Variants in GASK1B observed in about 807,000 individuals in gnomAD.
The protein encoded by GASK1B is Golgi-associated kinase 1B.
Under a neutral mutation model 42.8 loss-of-function variants are expected in GASK1B, and 34 were observed. That is an observed-to-expected ratio of 0.79 (90% CI 0.60 to 1.06). GASK1B has a LOEUF of 1.06. Among genes scored for constraint, GASK1B ranks in the 50% least tolerant of loss-of-function variants. The probability of loss-of-function intolerance (pLI) is 0.00; values close to 1 mark genes in which losing one functional copy is unlikely to be tolerated. For synonymous variants in GASK1B, 262 were observed against 259.1 expected (o/e 1.01, Z -0.11); for missense variants, 686 against 661.0 (o/e 1.04, Z -0.42).
intron 3 of GASK1B, among the ~76,000 whole-genome samples, chr4:158,139,684 A>C (rs2110950051): frequency 6.6e-6 from 1 of 152,308 alleles, no homozygotes; most frequent in Admixed American, 6.5e-5. Flanking sequence ...GTATGCATTA[A>C]ATTCATATAA....
chr4:158,138,342 A>G (rs1276560441), intron 3 of GASK1B, among the ~76,000 whole-genome samples: 1 of 152,216 alleles, frequency 6.6e-6, no homozygotes, highest in Non-Finnish European at 1.5e-5. Flanking sequence ...AAAGATTTAA[A>G]AAGAACACTC....
Position 158,172,961 on chromosome 4 carries a change from A to T in GASK1B, c.-318T>A, listed in dbSNP as rs1171883169. The stretch of plus-strand genomic sequence containing the variant: ...AAAAGGTAAGAAAGAGTTAATATAA[A>T]TGAGGAGAAAAAATAGAACAGTGAG... On this transcript the variant is annotated 5_prime_UTR_variant, in exon 1 of 5. Transcript: ENST00000585682. 1 of 152,240 alleles carries T rather than the reference A, an allele frequency of 6.6e-6. No individual in the cohort carries two copies. Among genetic ancestry groups the T allele is most frequent in the East Asian group, 1.9e-4 (1 of 5,200 alleles). The allele number at this position is 152,240 out of a possible 1,614,324, so 9.4% of individuals were successfully genotyped here.
At chr4:158,160,930 GA>G (rs1731962382) in intron 2 of GASK1B, among the ~76,000 whole-genome samples, 1 of 152,084 alleles carries the variant, frequency 6.6e-6, no homozygotes, top group African/African-American at 2.4e-5. Context: ...GTAGAGAGTA[GA>G]ATGGTGGCTA....
At chr4:158,129,980 C>G (rs1009818475) in intron 4 of GASK1B, among the ~76,000 whole-genome samples, 2 of 152,106 alleles carry the variant, frequency 1.3e-5, no homozygotes, top group Non-Finnish European at 2.9e-5. Flanking sequence ...TCCTTTATTT[C>G]CAATAGATGT....
In GASK1B at chr4:158,127,071, G is replaced by C; in HGVS notation, c.*336C>G. 5.0e-6 allele frequency: 1 copy of C among 199,552 alleles called. No individual in the cohort carries two copies. The highest frequency in any genetic ancestry group is 1.0e-5 in the Non-Finnish European group (1 of 97,972). The allele number at this position is 199,552 out of a possible 1,614,324, so 12.4% of individuals were successfully genotyped here. On this transcript the variant is annotated 3_prime_UTR_variant, in exon 5 of 5. Transcript: ENST00000585682. Reference sequence around the variant, plus strand: ...GTTTATTAATGGAGTCAGTGTCTCTGGTTTGCAGTTTTCTATTAAACAGCA... The same window carrying C: ...GTTTATTAATGGAGTCAGTGTCTCTCGTTTGCAGTTTTCTATTAAACAGCA...
intron 3 of GASK1B, among the ~76,000 whole-genome samples, chr4:158,136,885 C>G (rs28691778): frequency 0.9 from 137,352 of 152,268 alleles, 62,667 homozygotes; most frequent in East Asian, 0.98. Context: ...CCAATGCCTA[C>G]CACATAGTAG....
At chr4:158,131,114 C>A in intron 3 of GASK1B, 102 bp from the exon 4 acceptor site, 1 of 962,406 alleles carries the variant, frequency 1.0e-6, no homozygotes. Context: ...GCTGACTTGC[C>A]AGAATCTAAG....
chr4:158,160,373 C>A (rs1421469738), intron 2 of GASK1B, among the ~76,000 whole-genome samples: 10 of 152,020 alleles, frequency 6.6e-5, no homozygotes, highest in African/African-American at 2.2e-4. Flanking sequence ...AGGGACTTGT[C>A]CTGGAGCAAA....
chr4:158,132,713 G>A (rs567962197), intron 3 of GASK1B, among the ~76,000 whole-genome samples: 7 of 152,206 alleles, frequency 4.6e-5, no homozygotes, highest in Middle Eastern at 3.4e-3. Flanking sequence ...TGTGGCAAGC[G>A]AGCGACCAAG....
rs1730432616 is a variant in GASK1B at position 158,125,892 on chromosome 4, T to C, written c.*1515A>G. On this transcript the variant is annotated 3_prime_UTR_variant, in exon 5 of 5. Coordinates refer to ENST00000585682, the MANE Select transcript of GASK1B (RefSeq NM_001128424.2). ...GTTCTACAATTGTATCAATTAGATC[T>C]ATAGATTTTTTTTTTCAAATCTAGC... The C allele has an allele frequency of 6.6e-6, 1 of 152,088 alleles. No individual in the cohort carries two copies. Among genetic ancestry groups the C allele is most frequent in the Non-Finnish European group, 1.5e-5 (1 of 68,000 alleles). The allele number at this position is 152,088 out of a possible 1,614,324, so 9.4% of individuals were successfully genotyped here.
Position 158,171,590 on chromosome 4 carries a change from C to A in GASK1B, c.-215G>T, listed in dbSNP as rs1484437478. The A allele has an allele frequency of 6.8e-6, 3 of 440,050 alleles. No individual in the cohort carries two copies. The highest frequency in any genetic ancestry group is 3.9e-5 in the Admixed American group (1 of 25,844). The allele number at this position is 440,050 out of a possible 1,614,324, so 27.3% of individuals were successfully genotyped here. On this transcript the variant is annotated 5_prime_UTR_variant, in exon 2 of 5. Coordinates refer to ENST00000585682, the MANE Select transcript of GASK1B (RefSeq NM_001128424.2). ...TTATCAGTCTCCCCAAGGAGAAATG[C>A]GGCTTGTTTCTGGGAATGAATGGAT... is the stretch of plus-strand genomic sequence containing the variant.
rs1730460481 is a variant in GASK1B, at chr4:158,126,540, T to C, written c.*867A>G. ...GGAATTCACTATTATTAATAAAATA[T>C]ACATAAATTATATTACATTGTTGGT... On this transcript the variant is annotated 3_prime_UTR_variant, in exon 5 of 5. Coordinates refer to ENST00000585682, the MANE Select transcript of GASK1B (RefSeq NM_001128424.2). The C allele has an allele frequency of 6.6e-6, 1 of 152,114 alleles. No homozygotes were observed. The highest frequency in any genetic ancestry group is 1.5e-5 in the Non-Finnish European group (1 of 67,992). 9.4% of individuals were successfully genotyped at this position (152,114 alleles called of 1,614,324 possible).
intron 3 of GASK1B, among the ~76,000 whole-genome samples, chr4:158,137,835 G>A (rs879039056): frequency 6.6e-6 from 1 of 152,146 alleles, no homozygotes; most frequent in Admixed American, 6.5e-5. Flanking sequence ...AAATTAGTGA[G>A]CATGCATATT....
chr4:158,167,422 G>A (rs1276853043), intron 2 of GASK1B, among the ~76,000 whole-genome samples: 1 of 152,134 alleles, frequency 6.6e-6, no homozygotes, highest in Non-Finnish European at 1.5e-5. Context: ...CCTCCACAAT[G>A]AATTCCTTAT....
At chr4:158,130,676 A>G in intron 4 of GASK1B, 110 bp downstream of exon 4, 1 of 855,188 alleles carries the variant, frequency 1.2e-6, no homozygotes. Context: ...CCACATTCAC[A>G]ATTATTTTCA....
chr4:158,140,942 A>G (rs2110953427), intron 3 of GASK1B, among the ~76,000 whole-genome samples: 1 of 152,370 alleles, frequency 6.6e-6, no homozygotes, highest in South Asian at 2.1e-4. Context: ...GTTTTGATTA[A>G]TAATAAAATT....
intron 3 of GASK1B, among the ~76,000 whole-genome samples, chr4:158,141,896 C>T (rs1391347727): frequency 2.8e-5 from 4 of 142,422 alleles, no homozygotes; most frequent in Non-Finnish European, 6.0e-5. Context: ...CGTGAGCCAC[C>T]GCGCCCGGCC....
chr4:158,171,378 C>A lies in GASK1B; in HGVS notation c.-3G>T, dbSNP rs763409068. 2 of 1,554,140 alleles carry A rather than the reference C, an allele frequency of 1.3e-6. No individual in the cohort carries two copies. The highest frequency in any genetic ancestry group is 1.4e-5 in the African/African-American group (1 of 73,226). Reference sequence around the variant, plus strand: ...CCCGGCTTGTCTGGACAGGTCATTTCTCTGCCGCATCCACATGTTGAACGG... The same window carrying A: ...CCCGGCTTGTCTGGACAGGTCATTTATCTGCCGCATCCACATGTTGAACGG... On this transcript the variant is annotated 5_prime_UTR_variant, in exon 2 of 5. Coordinates refer to ENST00000585682, the MANE Select transcript of GASK1B (RefSeq NM_001128424.2).
At position 158,170,052 on chromosome 4, in the gene GASK1B, T is replaced by C. The variant is rs953891832; in HGVS notation, c.910+414A>G. 1.8e-5 allele frequency: 11 copies of C among 618,580 alleles called. No individual in the cohort carries two copies. The Admixed American group carries it at 2.8e-4, about 16-fold the overall frequency. 38.3% of individuals were successfully genotyped at this position (618,580 alleles called of 1,614,324 possible). On this transcript the variant is annotated intron_variant, in intron 2 of 4. Coordinates refer to ENST00000585682, the MANE Select transcript of GASK1B (RefSeq NM_001128424.2). ...TCAAGAACGATAACCCGCTTCCCCC[T>C]TACTTTTAAAAACTTCTACTTCCTC... is the stretch of plus-strand genomic sequence containing the variant.
Sources: gnomAD v4.1 joint callset for allele counts (sites outside exome capture counted in the v4.1 genomes callset) on GRCh38, gnomAD v4.1.1 for gene constraint, MANE v1.5 for transcripts, NCBI Gene and HGNC (gene_info 2026-07-23, HGNC 2026-07-21) for gene names.